LARS2: variants seen among roughly 807,000 people sequenced by gnomAD.
The protein encoded by LARS2 is leucine--tRNA ligase, mitochondrial.
A neutral mutation model predicts 116.6 loss-of-function variants in LARS2; 81 were observed. The observed-to-expected ratio is 0.69, with a 90% confidence interval of 0.58 to 0.84. LARS2 has a LOEUF of 0.84. LARS2 is among the 40% of genes least tolerant of loss of function. The pLI is 0.00. For synonymous variants in LARS2, 396 were observed against 407.2 expected, an observed-to-expected ratio of 0.97 and a Z score of 0.33; for missense variants, 968 against 1,114.5, an observed-to-expected ratio of 0.87 and a Z score of 1.87.
At position 45,535,774 on chromosome 3, in the gene LARS2, A is replaced by C. The variant is rs541162114; in HGVS notation, c.2405-6055A>C. Among the ~76,000 whole-genome samples the C allele has an allele frequency of 3.1e-3, 257 of 82,324 alleles. 2 individuals are homozygous for C. The highest frequency in any genetic ancestry group is 9.8e-3 in the African/African-American group (250 of 25,602). The allele number at this position is 82,324 out of a possible 152,430, so 54.0% of individuals were successfully genotyped here. ...CACACACACACACACACACCCCCACACCCACATACACACACATTAGTTATT... is the reference window on the plus strand; with the variant it reads ...CACACACACACACACACACCCCCACCCCCACATACACACACATTAGTTATT... On this transcript the variant is annotated intron_variant, in intron 20 of 21. Transcript: ENST00000645846.
intron 20 of LARS2, among the ~76,000 whole-genome samples, chr3:45,530,127 A>G (rs550634522): frequency 2.0e-5 from 3 of 152,288 alleles, no homozygotes; most frequent in Admixed American, 2.0e-4. Context: ...TTAAATTCTC[A>G]GTATTTCCAG....
chr3:45,476,678 G>A, intron 10 of LARS2, 51 bp downstream of exon 10: 1 of 1,592,686 alleles, frequency 6.3e-7, no homozygotes, highest in Non-Finnish European at 8.6e-7. Flanking sequence ...CCTTACATTT[G>A]GATGGCGCCT....
rs1024122685 is a variant in LARS2, at chr3:45,400,129, A to G, written c.235-116A>G. On this transcript the variant is annotated intron_variant, in intron 3 of 21. Transcript: ENST00000645846. ...TTTACATTCTGGGAACACTCTTTTT[A>G]AAAGGAAACTTTTAAAATGTTAAAT... 2.9e-6 allele frequency: 3 copies of G among 1,019,366 alleles called. No individual in the cohort carries two copies. In the South Asian group the frequency reaches 5.6e-5, roughly 19 times the overall value. The allele number at this position is 1,019,366 out of a possible 1,614,324, so 63.1% of individuals were successfully genotyped here. A position where few individuals can be genotyped will look rare whatever the true frequency, so the allele number is the denominator to read the frequency against.
intron 15 of LARS2, among the ~76,000 whole-genome samples, chr3:45,503,301 C>T (rs1347500941): frequency 1.3e-4 from 20 of 152,030 alleles, no homozygotes; most frequent in Non-Finnish European, 2.9e-5. Context: ...TCAAGATAGG[C>T]AAGTTTCCTT....
Position 45,394,561 on chromosome 3 carries a change from T to C in LARS2, c.108T>C (p.Cys36=). The part of the protein sequence containing the change: ...IKWERRVIPG[C]TRSIYSATGK... Reference sequence around the variant, plus strand: ...GGGAAAGGAGAGTAATTCCCGGATGTACCAGAAGCATCTACAGTGCCACGG... The same window carrying C: ...GGGAAAGGAGAGTAATTCCCGGATGCACCAGAAGCATCTACAGTGCCACGG... Residue 36 remains cysteine (C), a synonymous_variant, in exon 3 of 22, where the codon TGT becomes TGC. Coordinates refer to ENST00000645846, the MANE Select transcript of LARS2 (RefSeq NM_015340.4). The C allele has an allele frequency of 6.2e-7, 1 of 1,614,070 alleles. No individual in the cohort carries two copies. The highest frequency in any genetic ancestry group is 1.1e-5 in the South Asian group (1 of 91,080).
At chr3:45,525,856 TC>T (rs960129706) in intron 20 of LARS2, among the ~76,000 whole-genome samples, 27 of 152,330 alleles carry the variant, frequency 1.8e-4, no homozygotes, top group African/African-American at 6.3e-4. Context: ...ATTCGGGAAG[TC>T]CTTAATAATA....
At chr3:45,480,202 CA>C (rs5848745) in intron 10 of LARS2, among the ~76,000 whole-genome samples, 1 of 150,340 alleles carries the variant, frequency 6.7e-6, no homozygotes, top group Non-Finnish European at 1.5e-5. Context: ...CTGGAATAAA[CA>C]AAAAAAAACA....
chr3:45,432,656 T>A (rs1459556194), intron 6 of LARS2, among the ~76,000 whole-genome samples: 1 of 152,030 alleles, frequency 6.6e-6, no homozygotes, highest in Non-Finnish European at 1.5e-5. Flanking sequence ...GGGAAATTTA[T>A]AGCTATAAAT....
intron 12 of LARS2, among the ~76,000 whole-genome samples, chr3:45,489,652 C>T (rs1452435732): frequency 1.3e-5 from 2 of 152,162 alleles, no homozygotes; most frequent in East Asian, 3.8e-4. Flanking sequence ...CTAATAAGAT[C>T]CCTATATGAT....
intron 15 of LARS2, among the ~76,000 whole-genome samples, chr3:45,508,383 C>T (rs920107943): frequency 2.0e-5 from 3 of 152,074 alleles, no homozygotes; most frequent in African/African-American, 7.2e-5. Flanking sequence ...TTAGTAAACC[C>T]TCCTTCTGCG....
At chr3:45,429,740 C>G in intron 6 of LARS2, among the ~76,000 whole-genome samples, 1 of 119,154 alleles carries the variant, frequency 8.4e-6, no homozygotes, top group Non-Finnish European at 1.6e-5. Context: ...TTTGCTCTGT[C>G]GCCCAGGCTG....
intron 18 of LARS2, among the ~76,000 whole-genome samples, chr3:45,519,216 G>T (rs1254964445): frequency 6.6e-6 from 1 of 152,072 alleles, no homozygotes; most frequent in Non-Finnish European, 1.5e-5. Context: ...AATTGACAAG[G>T]CGCAGTGGCT....
chr3:45,491,503 T>C lies in LARS2; in HGVS notation c.1240-14T>C. 2 of 1,612,140 alleles carry C rather than the reference T, an allele frequency of 1.2e-6. No homozygotes were observed. Among genetic ancestry groups the C allele is most frequent in the Non-Finnish European group, 1.7e-6 (2 of 1,178,342 alleles). On this transcript the variant is annotated splice_polypyrimidine_tract_variant and intron_variant, in intron 12 of 21. Transcript: ENST00000645846. ...ATGCGGAGAGGAGTGAGCTTTCTTT[T>C]CTTTCCCTGTCAGTTCACAGGTATG... is the stretch of plus-strand genomic sequence containing the variant.
At chr3:45,478,549 T>C (rs1481657652) in intron 10 of LARS2, among the ~76,000 whole-genome samples, 1 of 152,250 alleles carries the variant, frequency 6.6e-6, no homozygotes, top group Non-Finnish European at 1.5e-5. Context: ...AGCACTGTTT[T>C]CATGAACACA....
chr3:45,423,628 A>G (rs192740224), intron 6 of LARS2, among the ~76,000 whole-genome samples: 4 of 152,104 alleles, frequency 2.6e-5, no homozygotes, highest in Admixed American at 2.6e-4. Flanking sequence ...ATTATATTTG[A>G]TATTCACTTC....
chr3:45,463,316 C>T (rs375056222), intron 8 of LARS2, among the ~76,000 whole-genome samples: 67 of 152,350 alleles, frequency 4.4e-4, no homozygotes, highest in South Asian at 3.3e-3. Context: ...ACCATGCACG[C>T]GCCCCTCCTT....
At chr3:45,450,485 A>G (rs947570325) in intron 7 of LARS2, among the ~76,000 whole-genome samples, 1 of 152,200 alleles carries the variant, frequency 6.6e-6, no homozygotes, top group Non-Finnish European at 1.5e-5. Flanking sequence ...ATGAGTGAGA[A>G]CATTTGGTAT....
chr3:45,546,600 C>T (rs1487307981), intron 21 of LARS2, among the ~76,000 whole-genome samples: 1 of 152,030 alleles, frequency 6.6e-6, no homozygotes, highest in African/African-American at 2.4e-5. Context: ...CTATATTTTC[C>T]AAGTGAAAAA....
At chr3:45,439,204 C>T (rs1036034584) in intron 6 of LARS2, among the ~76,000 whole-genome samples, 1 of 131,586 alleles carries the variant, frequency 7.6e-6, no homozygotes, top group Non-Finnish European at 1.6e-5. Context: ...CTGTCAGAAA[C>T]TCTGGCTTTT....
Sources: gnomAD v4.1 joint callset for allele counts (sites outside exome capture counted in the v4.1 genomes callset) on GRCh38, gnomAD v4.1.1 for gene constraint, MANE v1.5 for transcripts, NCBI Gene and HGNC (gene_info 2026-07-23, HGNC 2026-07-21) for gene names.